The following RNF144A variants were observed in gnomAD, a reference collection of about 807,000 sequenced individuals.
RNF144A encodes E3 ubiquitin-protein ligase RNF144A.
Under a neutral mutation model 38.7 loss-of-function variants are expected in RNF144A, and 11 were observed. That is an observed-to-expected ratio of 0.28 (90% CI 0.18 to 0.47). The LOEUF (loss-of-function observed/expected upper bound fraction) is 0.47. Ranked by LOEUF, RNF144A falls within the 20% of genes least tolerant of loss-of-function variation. RNF144A has a pLI of 0.99. For missense variants in RNF144A, 316 were observed against 377.2 expected, an observed-to-expected ratio of 0.84 and a Z score of 1.34; for synonymous variants, 149 against 143.9, an observed-to-expected ratio of 1.04 and a Z score of -0.25.
At chr2:6,938,735 A>G (rs1665766077) in intron 1 of RNF144A, among the ~76,000 whole-genome samples, 2 of 152,064 alleles carry the variant, frequency 1.3e-5, no homozygotes, top group South Asian at 4.1e-4. Flanking sequence ...CTCACTTCTT[A>G]TTCTCTCACT....
intron 3 of RNF144A, among the ~76,000 whole-genome samples, chr2:7,012,481 G>A (rs536414891): frequency 6.6e-6 from 1 of 152,296 alleles, no homozygotes; most frequent in African/African-American, 2.4e-5. Context: ...GACAAGGATT[G>A]GTTGAGCCTG....
At chr2:7,032,613 C>G (rs1476700421) in intron 8 of RNF144A, among the ~76,000 whole-genome samples, 1 of 152,230 alleles carries the variant, frequency 6.6e-6, no homozygotes, top group South Asian at 2.1e-4. Flanking sequence ...CTGCAATCCT[C>G]CGTCTTCCTC....
At chr2:6,936,558 T>TA (rs1665597215) in intron 1 of RNF144A, among the ~76,000 whole-genome samples, 1 of 152,174 alleles carries the variant, frequency 6.6e-6, no homozygotes, top group South Asian at 2.1e-4. Context: ...TACATAATCT[T>TA]AAAAAATCAC....
chr2:7,060,308 T>A (rs1673903482), intron 6 of RNF144A, among the ~76,000 whole-genome samples: 1 of 152,112 alleles, frequency 6.6e-6, no homozygotes, highest in Non-Finnish European at 1.5e-5. Flanking sequence ...TGGATTAGGC[T>A]GGCATTCTGC....
At chr2:6,926,983 T>G (rs1256491080) in intron 1 of RNF144A, among the ~76,000 whole-genome samples, 1 of 151,936 alleles carries the variant, frequency 6.6e-6, no homozygotes, top group Admixed American at 6.6e-5. Context: ...CGTTCTGGAG[T>G]CCACATGGCA....
At chr2:7,017,053 G>A (rs958910222) in intron 5 of RNF144A, among the ~76,000 whole-genome samples, 2 of 152,178 alleles carry the variant, frequency 1.3e-5, no homozygotes, top group Admixed American at 6.5e-5. Context: ...CCAGAGTCTG[G>A]GTAGGGACAG....
chr2:6,932,597 T>C (rs971186987), intron 1 of RNF144A, among the ~76,000 whole-genome samples: 1 of 152,196 alleles, frequency 6.6e-6, no homozygotes, highest in Non-Finnish European at 1.5e-5. Flanking sequence ...CCTGTGGTAA[T>C]GCCTCTACTA....
chr2:7,018,970 G>A lies in RNF144A; in HGVS notation c.302-1503G>A, dbSNP rs1671329027. ...CTAGTGGGCCAAATCCAGTCCCGCC[G>A]GTGGCCTGCTGCTGTCAAGTTTTGC... On this transcript the variant is annotated intron_variant, in intron 5 of 8. Coordinates refer to ENST00000320892, the MANE Select transcript of RNF144A (RefSeq NM_014746.6). Among the ~76,000 whole-genome samples the A allele has an allele frequency of 3.9e-5, 6 of 151,918 alleles. No individual in the cohort carries two copies. In the South Asian group the frequency reaches 1.0e-3, roughly 26 times the overall value.
In RNF144A at chr2:6,964,244, G is replaced by T. The variant is rs935135487; in HGVS notation, c.-12+23097G>T. On this transcript the variant is annotated intron_variant, in intron 2 of 8. Coordinates refer to ENST00000320892, the MANE Select transcript of RNF144A (RefSeq NM_014746.6). The stretch of plus-strand genomic sequence containing the variant: ...ATACTCATCATCACTGGCCATCAGA[G>T]AAATGCAAATCAAAACCACAATGAG... Among the ~76,000 whole-genome samples the T allele has an allele frequency of 3.9e-5, 6 of 152,296 alleles. No homozygotes were observed. In the East Asian group the frequency reaches 1.2e-3, roughly 29 times the overall value.
rs566193312 is a variant in RNF144A at position 7,002,500 on chromosome 2, C to T, written c.135+5439C>T. 4.6e-5 allele frequency among the ~76,000 whole-genome samples: 7 copies of T among 152,196 alleles called. No individual in the cohort carries two copies. The East Asian group carries it at 1.2e-3, about 25-fold the overall frequency. The stretch of plus-strand genomic sequence containing the variant: ...AACTATTTCCTTGAGAAAGCATGAA[C>T]GGATAGAGCCACCATGGTGGGACCA... On this transcript the variant is annotated intron_variant, in intron 3 of 8. Coordinates refer to ENST00000320892, the MANE Select transcript of RNF144A (RefSeq NM_014746.6).
intron 2 of RNF144A, among the ~76,000 whole-genome samples, chr2:6,960,780 G>A (rs1010024101): frequency 1.3e-5 from 2 of 152,214 alleles, no homozygotes; most frequent in Non-Finnish European, 2.9e-5. Flanking sequence ...CTCCTTCACC[G>A]CAGACAGGCA....
Position 6,941,282 on chromosome 2 carries a change from A to G in RNF144A, c.-12+135A>G, listed in dbSNP as rs887873971. The G allele has an allele frequency of 6.6e-6, 1 of 152,250 alleles. No homozygotes were observed. 9.4% of individuals were successfully genotyped at this position (152,250 alleles called of 1,614,324 possible). On this transcript the variant is annotated intron_variant, in intron 2 of 8. Coordinates refer to ENST00000320892, the MANE Select transcript of RNF144A (RefSeq NM_014746.6). The surrounding 1 kb of genome is among the most constrained non-coding windows in gnomAD (Gnocchi z 6.5). ...CTATACCTGTTAAGCCATACCATAA[A>G]GGCAATTTTCTAGTAGGTTTCCCCG... is the stretch of plus-strand genomic sequence containing the variant.
intron 2 of RNF144A, among the ~76,000 whole-genome samples, chr2:6,957,383 TC>T (rs1483011681): frequency 6.6e-6 from 1 of 152,192 alleles, no homozygotes; most frequent in Admixed American, 6.5e-5. Flanking sequence ...TTAAAACAAT[TC>T]CCTTTTGTGT....
chr2:6,930,260 G>A (rs1304183018), intron 1 of RNF144A, among the ~76,000 whole-genome samples: 1 of 152,152 alleles, frequency 6.6e-6, no homozygotes, highest in East Asian at 1.9e-4. Context: ...ATTATTAAGT[G>A]AAAACAATGG....
intron 2 of RNF144A, among the ~76,000 whole-genome samples, chr2:6,951,867 G>A (rs906210010): frequency 6.6e-6 from 1 of 152,056 alleles, no homozygotes; most frequent in African/African-American, 2.4e-5. Context: ...TGAAATTACT[G>A]TTTATTCATT....
chr2:7,008,809 G>A (rs972639849), intron 3 of RNF144A, among the ~76,000 whole-genome samples: 2 of 152,212 alleles, frequency 1.3e-5, no homozygotes, highest in African/African-American at 4.8e-5. Flanking sequence ...CCAGGGAGCC[G>A]GGGCTCTGGG....
chr2:7,042,053 A>G lies in RNF144A; in HGVS notation c.*2293A>G, dbSNP rs2103465156. The G allele has an allele frequency of 1.0e-6, 1 of 985,344 alleles. No individual in the cohort carries two copies. Among genetic ancestry groups the G allele is most frequent in the Non-Finnish European group, 1.2e-6 (1 of 829,872 alleles). 61.0% of individuals were successfully genotyped at this position (985,344 alleles called of 1,614,324 possible). On this transcript the variant is annotated 3_prime_UTR_variant, in exon 9 of 9. Transcript: ENST00000320892. ...GCCAGGGGCAGTCAAATTGGCACCTACTGGCTCTGACTTTTTGTATGAAGC... is the reference window on the plus strand; with the variant it reads ...GCCAGGGGCAGTCAAATTGGCACCTGCTGGCTCTGACTTTTTGTATGAAGC...
intron 3 of RNF144A, among the ~76,000 whole-genome samples, chr2:7,001,464 C>A (rs548090032): frequency 6.6e-6 from 1 of 152,178 alleles, no homozygotes; most frequent in Non-Finnish European, 1.5e-5. Context: ...ACTGTTTGAG[C>A]TCAGGAGTTT....
intron 2 of RNF144A, among the ~76,000 whole-genome samples, chr2:6,996,013 G>C (rs1443816553): frequency 6.6e-6 from 1 of 152,342 alleles, no homozygotes; most frequent in Middle Eastern, 3.4e-3. Flanking sequence ...GGCTGAGAGT[G>C]GTTAGGGAAC....
Sources: allele counts gnomAD v4.1 joint callset (sites outside exome capture counted in the v4.1 genomes callset), GRCh38; gene constraint gnomAD v4.1.1; non-coding constraint Gnocchi (gnomAD v3.1); transcripts MANE v1.5; gene names NCBI Gene and HGNC (gene_info 2026-07-23, HGNC 2026-07-21).